Variants in CEP350 observed in about 807,000 individuals in gnomAD.
CEP350 encodes centrosome-associated protein 350.
In CEP350, 126 loss-of-function variants were observed where a neutral mutation model predicts 331.8. The observed-to-expected ratio is 0.38, with a 90% CI of 0.33 to 0.44. The LOEUF (loss-of-function observed/expected upper bound fraction) is 0.44. Ranked by LOEUF, CEP350 falls within the 20% of genes least tolerant of loss-of-function variation. The pLI is 1.00. For missense variants in CEP350, 3,406 were observed against 3,634.6 expected (o/e 0.94, Z 1.62); for synonymous variants, 1,200 against 1,259.5 (o/e 0.95, Z 1.00).
intron 14 of CEP350, among the ~76,000 whole-genome samples, chr1:180,030,237 G>T (rs1048764698): frequency 1.4e-5 from 2 of 142,924 alleles, no homozygotes; most frequent in African/African-American, 5.1e-5. Context: ...ATATTTTAAA[G>T]TATATATAGT....
chr1:180,046,235 T>A (rs1274731228), intron 21 of CEP350, among the ~76,000 whole-genome samples: 1 of 152,238 alleles, frequency 6.6e-6, no homozygotes, highest in Non-Finnish European at 1.5e-5. Context: ...CATTAGCAGT[T>A]ACTCCCTATA....
chr1:180,051,885 A>G (rs1404768307), intron 22 of CEP350, among the ~76,000 whole-genome samples: 1 of 152,236 alleles, frequency 6.6e-6, no homozygotes, highest in African/African-American at 2.4e-5. Flanking sequence ...AGTTCTTTAC[A>G]TATATATTGG....
At chr1:180,062,657 C>T (rs967742784) in intron 26 of CEP350, among the ~76,000 whole-genome samples, 15 of 152,274 alleles carry the variant, frequency 9.9e-5, no homozygotes, top group Admixed American at 5.2e-4. Context: ...AGGGACTCTC[C>T]GCAGAGTCCC....
chr1:180,033,040 C>T (rs975030519), intron 15 of CEP350, among the ~76,000 whole-genome samples: 1 of 152,174 alleles, frequency 6.6e-6, no homozygotes, highest in Non-Finnish European at 1.5e-5. Context: ...AAAGCTATTT[C>T]ATCATTTTAT....
rs1256873783 is a variant in CEP350, at chr1:179,997,201, C to T, written c.1018+26C>T. The T allele has an allele frequency of 7.0e-6, 11 of 1,581,034 alleles. No individual in the cohort carries two copies. In the East Asian group the frequency reaches 1.3e-4, roughly 19 times the overall value. On this transcript the variant is annotated intron_variant, in intron 6 of 37. Transcript: ENST00000367607. ...GTTTGTAATCAGTCTTTATATCTTC[C>T]TCTCCCTGCTTCTTTGTTCTTCTTT...
In CEP350 at chr1:180,027,665, G is replaced by A. The variant is rs559426050; in HGVS notation, c.3550+3083G>A. Among the ~76,000 whole-genome samples, 12 of 152,256 alleles carry A rather than the reference G, an allele frequency of 7.9e-5. No homozygotes were observed. In the South Asian group the frequency reaches 1.9e-3, roughly 24 times the overall value. ...TTCCCAGAGTGCTGGGATTATAGGCGTGAGCCACTGCACCTGGCTTGTTAT... is the reference window on the plus strand; with the variant it reads ...TTCCCAGAGTGCTGGGATTATAGGCATGAGCCACTGCACCTGGCTTGTTAT... On this transcript the variant is annotated intron_variant, in intron 14 of 37. Transcript: ENST00000367607.
At chr1:180,024,258 C>T (rs917878639) in intron 13 of CEP350, among the ~76,000 whole-genome samples, 161 bp from the exon 14 acceptor site, 1 of 151,960 alleles carries the variant, frequency 6.6e-6, no homozygotes, top group African/African-American at 2.4e-5. Context: ...CCATAGGGAA[C>T]AATCCAGGCT....
intron 28 of CEP350, among the ~76,000 whole-genome samples, 186 bp downstream of exon 28, chr1:180,075,407 C>G (rs1659153388): frequency 6.7e-6 from 1 of 149,464 alleles, no homozygotes; most frequent in Admixed American, 6.8e-5. Flanking sequence ...GATGACATAG[C>G]AGACCCTGAT....
Position 180,100,091 on chromosome 1 carries a change from T to C in CEP350, c.9189+1106T>C, listed in dbSNP as rs959733195. Among the ~76,000 whole-genome samples the C allele has an allele frequency of 9.2e-5, 14 of 152,352 alleles. No homozygotes were observed. The East Asian group carries it at 2.5e-3, about 27-fold the overall frequency. ...ATGAGCCACCGCGCCCAGTGTCTTA[T>C]GCCTTATTTGATCCTCACGATAATT... On this transcript the variant is annotated intron_variant, in intron 37 of 37. Coordinates refer to ENST00000367607, the MANE Select transcript of CEP350 (RefSeq NM_014810.5).
intron 25 of CEP350, 106 bp downstream of exon 25, chr1:180,054,608 T>G (rs746302736): frequency 3.9e-6 from 3 of 773,776 alleles, no homozygotes; most frequent in Non-Finnish European, 2.2e-6. Context: ...TTAAATGAGA[T>G]TTAGTTGATA....
At chr1:179,975,005 A>T (rs1472980945) in intron 1 of CEP350, among the ~76,000 whole-genome samples, 1 of 152,124 alleles carries the variant, frequency 6.6e-6, no homozygotes, top group South Asian at 2.1e-4. Flanking sequence ...AAAGAAAAAA[A>T]AAGAAAAGGA....
chr1:180,009,021 T>G (rs1240250509), intron 8 of CEP350, among the ~76,000 whole-genome samples: 1 of 152,252 alleles, frequency 6.6e-6, no homozygotes, highest in East Asian at 1.9e-4. Context: ...CATTTTATTT[T>G]ACTTTATTTT....
At chr1:180,051,569 C>A (rs528294740) in intron 22 of CEP350, among the ~76,000 whole-genome samples, 1 of 152,274 alleles carries the variant, frequency 6.6e-6, no homozygotes, top group Admixed American at 6.5e-5. Context: ...TTGTCAAAAC[C>A]TTGAAACTGT....
At position 180,041,202 on chromosome 1, in the gene CEP350, T is replaced by G. The variant is rs1656739141; in HGVS notation, c.4175T>G (p.Leu1392Arg). The G allele has an allele frequency of 1.9e-6, 3 of 1,598,034 alleles. No homozygotes were observed. Among genetic ancestry groups the G allele is most frequent in the Admixed American group, 1.7e-5 (1 of 57,680 alleles). ...LLKLKAEQEA[L>R]ESQRQLEETR... Reference sequence around the variant, plus strand: ...AAACTAAAGGCTGAACAAGAGGCTCTGGAGAGTCAGAGACAATTAGAAGAA... The same window carrying G: ...AAACTAAAGGCTGAACAAGAGGCTCGGGAGAGTCAGAGACAATTAGAAGAA... Residue 1392 changes from leucine to arginine, a missense_variant, in exon 18 of 38, where the codon CTG becomes CGG. This residue lies in a region of CEP350 where 1,857 missense variants were observed against 1,909.2 expected (regional missense o/e 0.97). Coordinates refer to ENST00000367607, the MANE Select transcript of CEP350 (RefSeq NM_014810.5).
At chr1:180,035,676 AT>A (rs1336927645) in intron 16 of CEP350, among the ~76,000 whole-genome samples, 2 of 152,194 alleles carry the variant, frequency 1.3e-5, no homozygotes, top group Non-Finnish European at 2.9e-5. Flanking sequence ...GCCCAGAAAA[AT>A]AAAAGATTTT....
chr1:180,007,040 T>G (rs1179450397), intron 8 of CEP350, among the ~76,000 whole-genome samples: 10 of 152,226 alleles, frequency 6.6e-5, no homozygotes. Context: ...TCCAAGTCTT[T>G]GCTATTGTGA....
chr1:179,984,539 G>A (rs558879074), intron 1 of CEP350, among the ~76,000 whole-genome samples: 12 of 152,298 alleles, frequency 7.9e-5, no homozygotes, highest in African/African-American at 2.6e-4. Flanking sequence ...AAAGAGAGAT[G>A]AGAATGCGTT....
At chr1:180,045,718 A>G in intron 21 of CEP350, among the ~76,000 whole-genome samples, 1 of 152,220 alleles carries the variant, frequency 6.6e-6, no homozygotes, top group Non-Finnish European at 1.5e-5. Context: ...TCCATTAGCC[A>G]CATGGTAACC....
chr1:180,067,092 A>T (rs1399326946), intron 27 of CEP350, among the ~76,000 whole-genome samples: 1 of 152,148 alleles, frequency 6.6e-6, no homozygotes, highest in Non-Finnish European at 1.5e-5. Context: ...TATTTATTTC[A>T]GATTTGATTT....
Sources: allele counts gnomAD v4.1 joint callset (sites outside exome capture counted in the v4.1 genomes callset), GRCh38; gene constraint gnomAD v4.1.1; regional missense constraint gnomAD v4.1.1; transcripts MANE v1.5; gene names NCBI Gene and HGNC (gene_info 2026-07-23, HGNC 2026-07-21).